The following LUZP2 variants were observed in gnomAD, a reference collection of about 807,000 sequenced individuals.
LUZP2 encodes the protein leucine zipper protein 2.
In LUZP2, 52 loss-of-function variants were observed where a neutral mutation model predicts 51.6. The observed-to-expected ratio is 1.01, with a 90% CI of 0.81 to 1.27. The LOEUF is 1.27. LUZP2 is among the 50% of genes most tolerant of loss of function. LUZP2 has a pLI of 0.00. For missense variants in LUZP2, 436 were observed against 395.4 expected, an observed-to-expected ratio of 1.10 and a Z score of -0.87; for synonymous variants, 154 against 137.3, an observed-to-expected ratio of 1.12 and a Z score of -0.85.
chr11:24,654,781 T>C (rs1216499687), intron 1 of LUZP2, among the ~76,000 whole-genome samples: 15 of 151,692 alleles, frequency 9.9e-5, no homozygotes, highest in Admixed American at 8.5e-4. Flanking sequence ...CGCTTCGGCC[T>C]CCAAAAGTGC....
intron 1 of LUZP2, among the ~76,000 whole-genome samples, chr11:24,607,196 C>CA (rs34039155): frequency 0.021 from 3,012 of 143,706 alleles, 39 homozygotes; most frequent in African/African-American, 0.029. Flanking sequence ...ATGTCAAATC[C>CA]AAAAAAAAAA....
At chr11:24,714,087 T>A (rs150097521) in intron 1 of LUZP2, among the ~76,000 whole-genome samples, 2 of 152,040 alleles carry the variant, frequency 1.3e-5, no homozygotes, top group Non-Finnish European at 2.9e-5. Context: ...TACATAGCAT[T>A]TACACATTGT....
intron 7 of LUZP2, among the ~76,000 whole-genome samples, chr11:24,923,917 C>A (rs559334022): frequency 1.1e-3 from 168 of 152,160 alleles, no homozygotes; most frequent in Non-Finnish European, 2.1e-3. Context: ...TTTACTTTAT[C>A]TTAAGTAAAA....
chr11:25,003,216 G>A (rs1435006868), intron 9 of LUZP2, among the ~76,000 whole-genome samples: 1 of 152,196 alleles, frequency 6.6e-6, no homozygotes, highest in African/African-American at 2.4e-5. Flanking sequence ...TGAAGGACCA[G>A]AGTGCCTGGA....
chr11:25,040,343 A>ATT lies in LUZP2; in HGVS notation c.766-9676_766-9675dup, dbSNP rs57668112. ...AGAGAGCCACTTTTCTTTCTTTCCG[A>ATT]TTTTTTTTTTTTTTTTTTTTGCCAA... On this transcript the variant is annotated intron_variant, in intron 9 of 11. Coordinates refer to ENST00000336930, the MANE Select transcript of LUZP2 (RefSeq NM_001009909.4). Among the ~76,000 whole-genome samples, 123 of 98,822 alleles carry ATT rather than the reference A, an allele frequency of 1.2e-3. 7 individuals are homozygous for ATT. The highest frequency in any genetic ancestry group is 5.9e-3 in the African/African-American group (102 of 17,196). 64.8% of individuals were successfully genotyped at this position (98,822 alleles called of 152,430 possible).
chr11:24,545,643 G>A (rs574437606), intron 1 of LUZP2, among the ~76,000 whole-genome samples: 1 of 146,370 alleles, frequency 6.8e-6, no homozygotes, highest in East Asian at 2.0e-4. Flanking sequence ...CCATTGGTCT[G>A]TGTGTCTGTT....
chr11:24,923,534 TA>T (rs1321818058), intron 7 of LUZP2, among the ~76,000 whole-genome samples: 2 of 151,976 alleles, frequency 1.3e-5, no homozygotes, highest in African/African-American at 4.8e-5. Flanking sequence ...TCGTCTCTAT[TA>T]AAAATACAAA....
chr11:25,028,935 G>A (rs998041225), intron 9 of LUZP2, among the ~76,000 whole-genome samples: 1 of 152,032 alleles, frequency 6.6e-6, no homozygotes, highest in African/African-American at 2.4e-5. Context: ...TAAACAAAAG[G>A]CAACAAAGAA....
chr11:24,914,594 CA>C lies in LUZP2; in HGVS notation c.522+61del, dbSNP rs1853740032. 2.6e-6 allele frequency: 3 copies of C among 1,139,628 alleles called. No individual in the cohort carries two copies. In the South Asian group the frequency reaches 4.3e-5, roughly 16 times the overall value. 70.6% of individuals were successfully genotyped at this position (1,139,628 alleles called of 1,614,324 possible). ...CTTGCTAGCTCAATACCTAAAATAT[CA>C]AAAACATTATTTAGGTTAAATTTAT... On this transcript the variant is annotated intron_variant, in intron 7 of 11. Coordinates refer to ENST00000336930, the MANE Select transcript of LUZP2 (RefSeq NM_001009909.4).
At chr11:24,827,802 G>A (rs755631896) in intron 5 of LUZP2, among the ~76,000 whole-genome samples, 11 of 152,006 alleles carry the variant, frequency 7.2e-5, no homozygotes, top group Non-Finnish European at 1.5e-4. Flanking sequence ...TGAGAACACT[G>A]GCCTGTGAAC....
At chr11:24,697,563 G>A (rs989940858) in intron 1 of LUZP2, among the ~76,000 whole-genome samples, 3 of 152,136 alleles carry the variant, frequency 2.0e-5, no homozygotes, top group African/African-American at 7.2e-5. Context: ...AATTTAGTTT[G>A]TAGTTTAATC....
intron 1 of LUZP2, among the ~76,000 whole-genome samples, chr11:24,694,476 T>G (rs1335316755): frequency 6.6e-6 from 1 of 152,084 alleles, no homozygotes; most frequent in Non-Finnish European, 1.5e-5. Context: ...TAGCAAATAC[T>G]TATAGAATTA....
At chr11:25,006,989 T>C (rs959540641) in intron 9 of LUZP2, among the ~76,000 whole-genome samples, 1 of 152,138 alleles carries the variant, frequency 6.6e-6, no homozygotes, top group African/African-American at 2.4e-5. Flanking sequence ...TTTTACAGAG[T>C]GCTGATTGGT....
At chr11:24,517,483 CAA>C (rs71041768) in intron 1 of LUZP2, among the ~76,000 whole-genome samples, 72 of 44,116 alleles carry the variant, frequency 1.6e-3, no homozygotes, top group Middle Eastern at 0.029. Flanking sequence ...CAGACGCCGT[CAA>C]AAAAAAAAAA....
At chr11:25,033,412 T>A (rs912593747) in intron 9 of LUZP2, among the ~76,000 whole-genome samples, 3 of 126,098 alleles carry the variant, frequency 2.4e-5, no homozygotes, top group Non-Finnish European at 5.6e-5. Context: ...CATGTTAGAA[T>A]CAAAGGATTA....
chr11:24,646,776 C>T lies in LUZP2; in HGVS notation c.63-82393C>T, dbSNP rs537211511. Among the ~76,000 whole-genome samples, 35 of 152,116 alleles carry T rather than the reference C, an allele frequency of 2.3e-4. No homozygotes were observed. The South Asian group carries it at 7.3e-3, about 32-fold the overall frequency. On this transcript the variant is annotated intron_variant, in intron 1 of 11. Transcript: ENST00000336930. ...TGCAAATATTTCGCTGGATAACATG[C>T]TTCTCATGTCACTGGTCTGTGTCAG...
chr11:24,843,060 G>A (rs1178789084), intron 5 of LUZP2, among the ~76,000 whole-genome samples: 1 of 151,736 alleles, frequency 6.6e-6, no homozygotes. Flanking sequence ...GGATGTAAGT[G>A]CAAATGCCAA....
At chr11:24,704,601 T>C (rs949352405) in intron 1 of LUZP2, among the ~76,000 whole-genome samples, 2 of 151,760 alleles carry the variant, frequency 1.3e-5, no homozygotes, top group Non-Finnish European at 2.9e-5. Flanking sequence ...TGCATATATA[T>C]GCAAGAATAT....
chr11:24,555,510 A>G (rs1193356863), intron 1 of LUZP2, among the ~76,000 whole-genome samples: 3 of 152,202 alleles, frequency 2.0e-5, no homozygotes, highest in African/African-American at 7.2e-5. Context: ...GAAGTTTTAC[A>G]GAACTGGACT....
Sources: gnomAD v4.1 joint callset for allele counts (sites outside exome capture counted in the v4.1 genomes callset) on GRCh38, gnomAD v4.1.1 for gene constraint, MANE v1.5 for transcripts, NCBI Gene and HGNC (gene_info 2026-07-23, HGNC 2026-07-21) for gene names.